Variants in SMARCC1 observed in about 807,000 individuals in gnomAD.
SMARCC1 encodes SWI/SNF complex subunit SMARCC1.
SMARCC1 carries 43 observed loss-of-function variants against 147.4 expected under a neutral mutation model. The ratio of observed to expected loss-of-function variants is 0.29; its 90% confidence interval spans 0.23 to 0.38. The LOEUF is 0.38. SMARCC1 is among the 10% of genes least tolerant of loss of function. The probability of loss-of-function intolerance (pLI) is 1.00; values close to 1 mark genes in which losing one functional copy is unlikely to be tolerated. For missense variants in SMARCC1, 1,119 were observed against 1,381.1 expected (o/e 0.81, Z 3.01); for synonymous variants, 495 against 484.4 (o/e 1.02, Z -0.29).
chr3:47,740,178 CTT>C (rs34523367), intron 3 of SMARCC1, among the ~76,000 whole-genome samples: 2,842 of 35,636 alleles, frequency 0.08, 94 homozygotes, highest in African/African-American at 0.14. Flanking sequence ...GCCCGGCCAT[CTT>C]TTTTTTTTTT....
intron 1 of SMARCC1, among the ~76,000 whole-genome samples, chr3:47,780,808 T>G (rs1576441042): frequency 6.6e-6 from 1 of 151,640 alleles, no homozygotes; most frequent in Non-Finnish European, 1.5e-5. Context: ...TCCTCCTGAA[T>G]ATTTACACAA....
At chr3:47,653,568 C>T (rs1033713176) in intron 21 of SMARCC1, among the ~76,000 whole-genome samples, 1 of 152,152 alleles carries the variant, frequency 6.6e-6, no homozygotes, top group African/African-American at 2.4e-5. Context: ...TGACATGAAA[C>T]GTAAGAGACA....
chr3:47,728,902 C>A lies in SMARCC1; in HGVS notation c.646+123G>T, dbSNP rs994862738. 1.0e-4 allele frequency: 60 copies of A among 573,806 alleles called. 1 individual carries two copies. Among genetic ancestry groups the A allele is most frequent in the Middle Eastern group, 7.2e-4 (2 of 2,768 alleles). 35.5% of individuals were successfully genotyped at this position (573,806 alleles called of 1,614,324 possible). On this transcript the variant is annotated intron_variant, in intron 6 of 27. Transcript: ENST00000254480. ...CTCCAGCCTGGGCGACAGACTCCAT[C>A]TTCAAAACAAAACAAAAACAAATAA...
chr3:47,695,863 T>G (rs2033842763), intron 11 of SMARCC1, among the ~76,000 whole-genome samples: 1 of 125,290 alleles, frequency 8.0e-6, no homozygotes, highest in Non-Finnish European at 1.6e-5. Flanking sequence ...GGTCAGGAGT[T>G]CAAGACCTGC....
At chr3:47,615,183 G>C (rs570531441) in intron 25 of SMARCC1, among the ~76,000 whole-genome samples, 1 of 152,230 alleles carries the variant, frequency 6.6e-6, no homozygotes, top group South Asian at 2.1e-4. Context: ...TATATATGCA[G>C]CATATAATAC....
rs146132069 is a variant in SMARCC1, at chr3:47,595,028, G to T, written c.3044-4191C>A. Among the ~76,000 whole-genome samples, 557 of 152,248 alleles carry T rather than the reference G, an allele frequency of 3.7e-3. 4 individuals carry two copies. Among genetic ancestry groups the T allele is most frequent in the African/African-American group, 9.6e-3 (397 of 41,540 alleles). ...GGAAGCACCGTTTGCAACATTTTGG[G>T]ATTGGTTTTTTTTCACTCCAGGTAA... On this transcript the variant is annotated intron_variant, in intron 26 of 27. Transcript: ENST00000254480.
intron 7 of SMARCC1, among the ~76,000 whole-genome samples, chr3:47,717,617 G>A (rs1417526735): frequency 1.3e-5 from 2 of 152,140 alleles, no homozygotes; most frequent in African/African-American, 2.4e-5. Flanking sequence ...AGGCTGGAGT[G>A]CAGTGGCACG....
At chr3:47,670,588 TA>T in intron 19 of SMARCC1, 69 bp downstream of exon 19, 1 of 1,047,530 alleles carries the variant, frequency 9.5e-7, no homozygotes, top group Non-Finnish European at 1.5e-6. Flanking sequence ...TGCCTCTAAA[TA>T]AAACAAAACA....
chr3:47,608,742 A>G (rs886354922), intron 26 of SMARCC1, among the ~76,000 whole-genome samples: 1 of 151,586 alleles, frequency 6.6e-6, no homozygotes, highest in Non-Finnish European at 1.5e-5. Flanking sequence ...ACAGCTACAC[A>G]GGAGGCTGAG....
At chr3:47,625,894 C>A (rs999399020) in intron 24 of SMARCC1, among the ~76,000 whole-genome samples, 1 of 151,864 alleles carries the variant, frequency 6.6e-6, no homozygotes, top group African/African-American at 2.4e-5. Flanking sequence ...CAGTTGCCTA[C>A]CATCTGTAAT....
intron 6 of SMARCC1, among the ~76,000 whole-genome samples, chr3:47,727,675 G>A (rs977422784): frequency 6.6e-6 from 1 of 151,676 alleles, no homozygotes; most frequent in Admixed American, 6.6e-5. Context: ...GAGCGCAGTG[G>A]TGCAATCTCA....
At chr3:47,732,620 A>G (rs1203434412) in intron 5 of SMARCC1, among the ~76,000 whole-genome samples, 2 of 152,142 alleles carry the variant, frequency 1.3e-5, no homozygotes, top group African/African-American at 4.8e-5. Context: ...CTTAATTTTA[A>G]TACTTGTGGG....
chr3:47,678,391 A>G, intron 15 of SMARCC1, 80 bp from the exon 16 acceptor site: 1 of 599,170 alleles, frequency 1.7e-6, no homozygotes, highest in Non-Finnish European at 2.9e-6. Context: ...AAAAATCTTC[A>G]GATTCCTTAA....
intron 14 of SMARCC1, among the ~76,000 whole-genome samples, chr3:47,683,249 T>C (rs911516790): frequency 4.0e-5 from 6 of 151,884 alleles, no homozygotes; most frequent in African/African-American, 1.5e-4. Context: ...GGTTTCACCG[T>C]GTTAGCCAGG....
At chr3:47,741,721 T>C (rs1435533967) in intron 3 of SMARCC1, among the ~76,000 whole-genome samples, 3 of 152,030 alleles carry the variant, frequency 2.0e-5, no homozygotes, top group African/African-American at 7.2e-5. Flanking sequence ...AGAGCTCTAA[T>C]TGCCTCCAGG....
At chr3:47,699,731 T>C (rs1351277467) in intron 11 of SMARCC1, among the ~76,000 whole-genome samples, 2 of 152,206 alleles carry the variant, frequency 1.3e-5, no homozygotes, top group Non-Finnish European at 2.9e-5. Context: ...TAGTGCCAGA[T>C]AAATCATACA....
chr3:47,781,806 C>T lies in SMARCC1; in HGVS notation c.-9G>A, dbSNP rs1446968543. ...CCCGCCGCTGCGGCCATCGTCGCAG[C>T]CCGTCGTCCCCACAGCCTGGCCCAC... On this transcript the variant is annotated 5_prime_UTR_variant, in exon 1 of 28. Transcript: ENST00000254480. 3.5e-6 allele frequency: 5 copies of T among 1,415,024 alleles called. No homozygotes were observed. Among genetic ancestry groups the T allele is most frequent in the East Asian group, 3.1e-5 (1 of 32,362 alleles). The allele number at this position is 1,415,024 out of a possible 1,614,324, so 87.7% of individuals were successfully genotyped here.
At chr3:47,633,060 A>G (rs966564172) in intron 24 of SMARCC1, among the ~76,000 whole-genome samples, 7 of 152,116 alleles carry the variant, frequency 4.6e-5, no homozygotes, top group Non-Finnish European at 1.0e-4. Flanking sequence ...AATAAGAGGA[A>G]GCTTCTGGAG....
rs1440230922 is a variant in SMARCC1 at position 47,636,005 on chromosome 3, G to A, written c.2491+17C>T. 6 of 1,164,744 alleles carry A rather than the reference G, an allele frequency of 5.2e-6. No homozygotes were observed. The highest frequency in any genetic ancestry group is 6.4e-6 in the Non-Finnish European group (5 of 782,926). The allele number at this position is 1,164,744 out of a possible 1,614,324, so 72.2% of individuals were successfully genotyped here. On this transcript the variant is annotated intron_variant, in intron 23 of 27. Transcript: ENST00000254480. ...ACAGTTTTACATAATAATATCTAAGGAGTTTCCTCAAATTACCTGATTTGG... is the reference window on the plus strand; with the variant it reads ...ACAGTTTTACATAATAATATCTAAGAAGTTTCCTCAAATTACCTGATTTGG...
Sources: gnomAD v4.1 joint callset for allele counts (sites outside exome capture counted in the v4.1 genomes callset) on GRCh38, gnomAD v4.1.1 for gene constraint, MANE v1.5 for transcripts, NCBI Gene and HGNC (gene_info 2026-07-23, HGNC 2026-07-21) for gene names.